Variants in MYOM1 observed in about 807,000 individuals in gnomAD.
The protein encoded by MYOM1 is myomesin-1.
MYOM1 carries 164 observed loss-of-function variants against 205.3 expected under a neutral mutation model. That is an observed-to-expected ratio of 0.80 (90% CI 0.70 to 0.91). The LOEUF is 0.91. MYOM1 is among the 40% of genes least tolerant of loss of function. The pLI, the probability that MYOM1 is intolerant of heterozygous loss-of-function variation, is 0.00. For synonymous variants in MYOM1, 772 were observed against 789.4 expected (o/e 0.98, Z 0.37); for missense variants, 2,011 against 2,127.3 (o/e 0.95, Z 1.08).
At chr18:3,096,061 T>C (rs1176938690) in intron 25 of MYOM1, among the ~76,000 whole-genome samples, 1 of 152,196 alleles carries the variant, frequency 6.6e-6, no homozygotes, top group Non-Finnish European at 1.5e-5. Flanking sequence ...TAATGTTCAC[T>C]GTCCTCCCTG....
intron 12 of MYOM1, among the ~76,000 whole-genome samples, chr18:3,149,744 G>A (rs535292915): frequency 3.3e-5 from 5 of 152,174 alleles, no homozygotes; most frequent in South Asian, 4.2e-4. Flanking sequence ...TGAATGATAC[G>A]GGTACAAAGT....
intron 25 of MYOM1, among the ~76,000 whole-genome samples, chr18:3,099,373 T>C (rs1304900005): frequency 6.6e-6 from 1 of 152,254 alleles, no homozygotes; most frequent in Non-Finnish European, 1.5e-5. Context: ...TTTTCTGGGT[T>C]CCTGAAACTC....
intron 31 of MYOM1, 48 bp from the exon 32 acceptor site, chr18:3,084,075 T>G (rs769794792): frequency 6.5e-7 from 1 of 1,545,216 alleles, no homozygotes. Flanking sequence ...AAATTCTCAA[T>G]GTAAGGTTAA....
chr18:3,138,806 T>C (rs982449858), intron 14 of MYOM1, among the ~76,000 whole-genome samples: 1 of 152,198 alleles, frequency 6.6e-6, no homozygotes, highest in African/African-American at 2.4e-5. Flanking sequence ...TGTATGATTG[T>C]CAACGTTTTC....
At chr18:3,207,200 G>C (rs1013821001) in intron 2 of MYOM1, among the ~76,000 whole-genome samples, 3 of 152,126 alleles carry the variant, frequency 2.0e-5, no homozygotes, top group Non-Finnish European at 1.5e-5. Context: ...TTCTAGAAAA[G>C]GTGGATGTGT....
At chr18:3,138,264 T>C (rs1016816336) in intron 14 of MYOM1, among the ~76,000 whole-genome samples, 2 of 152,192 alleles carry the variant, frequency 1.3e-5, no homozygotes, top group African/African-American at 4.8e-5. Context: ...AAAAGACTTT[T>C]CTGAAGTCCA....
At chr18:3,128,036 T>C (rs914278487) in intron 18 of MYOM1, among the ~76,000 whole-genome samples, 1 of 152,212 alleles carries the variant, frequency 6.6e-6, no homozygotes, top group Non-Finnish European at 1.5e-5. Context: ...CATCTAGATA[T>C]GCAATAACAT....
At chr18:3,187,371 T>C in intron 5 of MYOM1, 109 bp downstream of exon 5, 1 of 1,239,374 alleles carries the variant, frequency 8.1e-7, no homozygotes. Context: ...CTATACAATC[T>C]TGTAGATGTC....
chr18:3,245,659 C>T, the MYOM1 span, among the ~76,000 whole-genome samples: 1 of 152,114 alleles, frequency 6.6e-6, no homozygotes, highest in South Asian at 2.1e-4. Flanking sequence ...CTACACAATT[C>T]CTGTTCATCT....
intron 5 of MYOM1, among the ~76,000 whole-genome samples, chr18:3,183,303 C>T (rs180962388): frequency 1.8e-3 from 276 of 152,322 alleles, no homozygotes; most frequent in Non-Finnish European, 2.5e-3. Context: ...GGGAATAGGA[C>T]GGTACTGCAT....
chr18:3,077,591 G>A (rs977794028), intron 34 of MYOM1, among the ~76,000 whole-genome samples: 1 of 152,176 alleles, frequency 6.6e-6, no homozygotes, highest in Non-Finnish European at 1.5e-5. Flanking sequence ...GAATGGCCGA[G>A]CCAATCTGTG....
chr18:3,206,838 A>T (rs1342395943), intron 2 of MYOM1, among the ~76,000 whole-genome samples: 1 of 152,202 alleles, frequency 6.6e-6, no homozygotes, highest in Non-Finnish European at 1.5e-5. Context: ...GAATTTAGTT[A>T]GATCGACATG....
intron 14 of MYOM1, 120 bp downstream of exon 14, chr18:3,141,819 T>C: frequency 1.6e-6 from 2 of 1,227,620 alleles, no homozygotes; most frequent in Admixed American, 3.6e-5. Flanking sequence ...AACAATCTAG[T>C]GAGATCAGGA....
At position 3,171,363 on chromosome 18, in the gene MYOM1, G is replaced by A. The variant is rs140182172; in HGVS notation, c.1175-2382C>T. On this transcript the variant is annotated intron_variant, in intron 8 of 37. Coordinates refer to ENST00000356443, the MANE Select transcript of MYOM1 (RefSeq NM_003803.4). Reference sequence around the variant, plus strand: ...TGGGCTGGTTCCAGAGCTGCCTTAGGGGGTAGAGGTGAGGGCTACCGCCAG... The same window carrying A: ...TGGGCTGGTTCCAGAGCTGCCTTAGAGGGTAGAGGTGAGGGCTACCGCCAG... Among the ~76,000 whole-genome samples, 168 of 152,290 alleles carry A rather than the reference G, an allele frequency of 1.1e-3. 1 individual carries two copies. Among genetic ancestry groups the A allele is most frequent in the African/African-American group, 3.2e-3 (132 of 41,550 alleles).
intron 23 of MYOM1, among the ~76,000 whole-genome samples, chr18:3,102,058 G>A (rs910056837): frequency 7.0e-6 from 1 of 142,140 alleles, no homozygotes; most frequent in African/African-American, 2.6e-5. Context: ...CTGGAGTGCA[G>A]TGGCGCGATC....
intron 10 of MYOM1, among the ~76,000 whole-genome samples, chr18:3,157,726 C>A (rs1294131769): frequency 1.5e-5 from 2 of 130,406 alleles, no homozygotes; most frequent in Admixed American, 7.8e-5. Flanking sequence ...TAATAATAAT[C>A]CTTCTTTTTC....
intron 21 of MYOM1, 113 bp downstream of exon 21, chr18:3,116,218 C>T (rs1260595153): frequency 1.8e-6 from 2 of 1,120,016 alleles, no homozygotes; most frequent in Non-Finnish European, 2.5e-6. Context: ...TACCAGGAGC[C>T]CAATATATGA....
At chr18:3,155,559 T>C (rs1399100864) in intron 10 of MYOM1, among the ~76,000 whole-genome samples, 3 of 152,196 alleles carry the variant, frequency 2.0e-5, no homozygotes, top group Non-Finnish European at 4.4e-5. Context: ...TAACAATGTG[T>C]GTTTTTCACC....
intron 1 of MYOM1, among the ~76,000 whole-genome samples, chr18:3,217,402 A>G (rs2081282243): frequency 6.6e-6 from 1 of 152,242 alleles, no homozygotes; most frequent in African/African-American, 2.4e-5. Flanking sequence ...ACAAGTTGCT[A>G]TTAACTGAGA....
Sources: allele counts gnomAD v4.1 joint callset (sites outside exome capture counted in the v4.1 genomes callset), GRCh38; gene constraint gnomAD v4.1.1; transcripts MANE v1.5; gene names NCBI Gene and HGNC (gene_info 2026-07-23, HGNC 2026-07-21).